The following NTM variants were observed in gnomAD, a reference collection of about 807,000 sequenced individuals.
The protein encoded by NTM is neurotrimin.
A neutral mutation model predicts 42.1 loss-of-function variants in NTM; 13 were observed. The ratio of observed to expected loss-of-function variants is 0.31; its 90% CI spans 0.20 to 0.49. The LOEUF is 0.49. NTM is among the 20% of genes least tolerant of loss of function. The pLI is 0.99. For synonymous variants in NTM, 187 were observed against 179.2 expected, an observed-to-expected ratio of 1.04 and a Z score of -0.35; for missense variants, 373 against 452.8, an observed-to-expected ratio of 0.82 and a Z score of 1.60.
chr11:131,507,218 T>C (rs2047592135), intron 1 of NTM, among the ~76,000 whole-genome samples: 2 of 152,310 alleles, frequency 1.3e-5, no homozygotes, highest in South Asian at 4.1e-4. Context: ...TAATCCATCT[T>C]GAATTGATTT....
chr11:131,432,831 T>G (rs2135921725), intron 1 of NTM, among the ~76,000 whole-genome samples: 1 of 141,758 alleles, frequency 7.1e-6, no homozygotes, highest in African/African-American at 2.6e-5. Context: ...AGATGAAGAT[T>G]TAGCATTCTT....
At chr11:131,854,357 C>T (rs895040162) in intron 1 of NTM, among the ~76,000 whole-genome samples, 3 of 152,192 alleles carry the variant, frequency 2.0e-5, no homozygotes, top group African/African-American at 7.2e-5. Context: ...AAAAGGAAAA[C>T]TTCTTTTGCT....
At chr11:131,913,601 G>T (rs1431309776) in intron 2 of NTM, among the ~76,000 whole-genome samples, 2 of 152,146 alleles carry the variant, frequency 1.3e-5, no homozygotes, top group Non-Finnish European at 2.9e-5. Flanking sequence ...CCCTTTCATG[G>T]TTCTTTTTTC....
chr11:132,055,732 G>C (rs2079552646), intron 2 of NTM, among the ~76,000 whole-genome samples: 1 of 152,158 alleles, frequency 6.6e-6, no homozygotes, highest in Non-Finnish European at 1.5e-5. Flanking sequence ...CCAGGAGGCA[G>C]TGGTAGTGTG....
intron 3 of NTM, among the ~76,000 whole-genome samples, chr11:132,167,193 A>G (rs894212730): frequency 6.6e-6 from 1 of 151,774 alleles, no homozygotes; most frequent in Non-Finnish European, 1.5e-5. Context: ...ATTGTTCTTT[A>G]TTTTTTGGAG....
intron 4 of NTM, among the ~76,000 whole-genome samples, chr11:132,214,906 A>G (rs1222113022): frequency 6.6e-6 from 1 of 152,210 alleles, no homozygotes; most frequent in African/African-American, 2.4e-5. Context: ...GTTATCCCGG[A>G]TTCAAAATGA....
chr11:132,015,585 G>C (rs1435256959), intron 2 of NTM, among the ~76,000 whole-genome samples: 2 of 151,102 alleles, frequency 1.3e-5, no homozygotes, highest in African/African-American at 4.9e-5. Flanking sequence ...GTGTTTTGTA[G>C]TTTTCCTTGT....
At chr11:131,600,776 G>A (rs568373654) in intron 1 of NTM, among the ~76,000 whole-genome samples, 72 of 152,268 alleles carry the variant, frequency 4.7e-4, no homozygotes, top group African/African-American at 1.7e-3. Context: ...AAGAAGCAAA[G>A]CCTCAGTGTA....
chr11:131,581,630 T>C (rs909534159), intron 1 of NTM, among the ~76,000 whole-genome samples: 1 of 152,200 alleles, frequency 6.6e-6, no homozygotes, highest in Non-Finnish European at 1.5e-5. Context: ...CTGACCAGAA[T>C]TGCCTGCTTT....
intron 1 of NTM, among the ~76,000 whole-genome samples, chr11:131,889,340 C>G (rs758753556): frequency 6.6e-6 from 1 of 152,288 alleles, no homozygotes; most frequent in South Asian, 2.1e-4. Context: ...GGTAGGGGAC[C>G]AGAGGGCCAG....
At chr11:131,577,403 G>A (rs2058034855) in intron 1 of NTM, among the ~76,000 whole-genome samples, 1 of 152,164 alleles carries the variant, frequency 6.6e-6, no homozygotes, top group Non-Finnish European at 1.5e-5. Flanking sequence ...GTGAGGCACA[G>A]AGCAAATGTG....
At chr11:131,555,202 C>A (rs184496320) in intron 1 of NTM, among the ~76,000 whole-genome samples, 167 of 152,258 alleles carry the variant, frequency 1.1e-3, no homozygotes, top group African/African-American at 3.1e-3. Flanking sequence ...AGTATGTGTT[C>A]AATACAGTAA....
intron 1 of NTM, among the ~76,000 whole-genome samples, chr11:131,758,381 T>C (rs934882175): frequency 2.0e-5 from 3 of 151,970 alleles, no homozygotes; most frequent in African/African-American, 7.2e-5. Flanking sequence ...TGAACCATAC[T>C]TCACTTTCAT....
intron 1 of NTM, among the ~76,000 whole-genome samples, chr11:131,764,626 A>T (rs971967277): frequency 6.6e-6 from 1 of 152,198 alleles, no homozygotes; most frequent in Admixed American, 6.5e-5. Context: ...GGGGATAATT[A>T]TATAATACAG....
At chr11:132,333,832 T>C (rs1488813248) in intron 8 of NTM, among the ~76,000 whole-genome samples, 1 of 152,206 alleles carries the variant, frequency 6.6e-6, no homozygotes, top group Non-Finnish European at 1.5e-5. Flanking sequence ...TAAAATCATA[T>C]GGGCACTGCC....
At chr11:132,094,705 GATT>G (rs2060754812) in intron 2 of NTM, among the ~76,000 whole-genome samples, 1 of 152,112 alleles carries the variant, frequency 6.6e-6, no homozygotes, top group African/African-American at 2.4e-5. Flanking sequence ...TTATGGTGAT[GATT>G]ATTATTTTTG....
chr11:132,087,378 T>G (rs1291951566), intron 2 of NTM, among the ~76,000 whole-genome samples: 1 of 152,190 alleles, frequency 6.6e-6, no homozygotes, highest in East Asian at 1.9e-4. Context: ...CAGCAAGAAT[T>G]AGTCATGCTC....
intron 1 of NTM, among the ~76,000 whole-genome samples, chr11:131,703,004 ATTG>A (rs1003656681): frequency 2.0e-5 from 3 of 152,224 alleles, no homozygotes; most frequent in African/African-American, 2.4e-5. Context: ...GATAGTCATA[ATTG>A]TTGTAGCAAT....
chr11:132,262,727 C>T (rs2092942515), intron 4 of NTM, among the ~76,000 whole-genome samples: 1 of 152,176 alleles, frequency 6.6e-6, no homozygotes, highest in Non-Finnish European at 1.5e-5. Flanking sequence ...AACATCTACT[C>T]CATAGCATTC....
Sources: gnomAD v4.1 joint callset for allele counts (sites outside exome capture counted in the v4.1 genomes callset) on GRCh38, gnomAD v4.1.1 for gene constraint, MANE v1.5 for transcripts, NCBI Gene and HGNC (gene_info 2026-07-23, HGNC 2026-07-21) for gene names.